Variants in IGF1R observed in about 807,000 individuals in gnomAD.
IGF1R encodes insulin like growth factor 1 receptor, also known as insulin-like growth factor 1 receptor.
IGF1R carries 44 observed loss-of-function variants against 144.6 expected under a neutral mutation model. The observed-to-expected ratio is 0.30, with a 90% CI of 0.24 to 0.39. The LOEUF is 0.39. Among genes scored for constraint, IGF1R ranks in the 10% least tolerant of loss-of-function variants. The pLI is 1.00. For missense variants in IGF1R, 1,355 were observed against 1,833.7 expected (o/e 0.74, Z 4.77); for synonymous variants, 795 against 722.8 (o/e 1.10, Z -1.60).
chr15:98,859,765 A>G (rs1244487521), intron 2 of IGF1R, among the ~76,000 whole-genome samples: 1 of 152,232 alleles, frequency 6.6e-6, no homozygotes, highest in Non-Finnish European at 1.5e-5. Context: ...CCTAGCCTAA[A>G]TATAAGAAGG....
At chr15:98,826,139 G>T (rs2056891278) in intron 2 of IGF1R, among the ~76,000 whole-genome samples, 1 of 152,290 alleles carries the variant, frequency 6.6e-6, no homozygotes, top group South Asian at 2.1e-4. Context: ...TGAAATCAGG[G>T]GGATTCCCAA....
rs535043162 is a variant in IGF1R, at chr15:98,661,382, C to T, written c.94+11707C>T. ...GTCTAGGTTGGTGTCAAGGGGACTCCTGAACTTAATGAACACCTTAGAAAT... is the reference window on the plus strand; with the variant it reads ...GTCTAGGTTGGTGTCAAGGGGACTCTTGAACTTAATGAACACCTTAGAAAT... On this transcript the variant is annotated intron_variant, in intron 1 of 20. Transcript: ENST00000650285. Among the ~76,000 whole-genome samples the T allele has an allele frequency of 7.2e-5, 11 of 152,314 alleles. No individual in the cohort carries two copies. The South Asian group carries it at 2.1e-3, about 29-fold the overall frequency.
chr15:98,849,790 AT>A (rs1368782736), intron 2 of IGF1R, among the ~76,000 whole-genome samples: 1 of 152,266 alleles, frequency 6.6e-6, no homozygotes, highest in Non-Finnish European at 1.5e-5. Flanking sequence ...AGAAACACAA[AT>A]AGCTAAGCAT....
In IGF1R at chr15:98,922,374, G is replaced by A. The variant is rs1391007042; in HGVS notation, c.2428G>A (p.Ala810Thr). 6.2e-7 allele frequency: 1 copy of A among 1,614,098 alleles called. No individual in the cohort carries two copies. Among genetic ancestry groups the A allele is most frequent in the Non-Finnish European group, 8.5e-7 (1 of 1,180,048 alleles). The change falls in exon 11 of 21, where the codon GCT (alanine) becomes ACT (threonine). Residue 810 changes from alanine (A) to threonine (T), a missense_variant. Physicochemically the swap from Ala to Thr is moderately conservative, Grantham distance 58. This residue lies in a region of IGF1R where 880 missense variants were observed against 1,202.7 expected (regional missense o/e 0.73). Coordinates refer to ENST00000650285, the MANE Select transcript of IGF1R (RefSeq NM_000875.5). ...RIDIHSCNHE[A>T]EKLGCSASNF... ...CGATATCCACAGCTGCAACCACGAG[G>A]CTGAGAAGCTGGGCTGCAGCGCCTC...
chr15:98,903,029 C>G (rs1053241928), intron 5 of IGF1R, among the ~76,000 whole-genome samples: 1 of 152,166 alleles, frequency 6.6e-6, no homozygotes, highest in Non-Finnish European at 1.5e-5. Context: ...AAAGCCATAG[C>G]CATGGTTTCC....
At chr15:98,949,058 C>T (rs2016669309) in intron 20 of IGF1R, among the ~76,000 whole-genome samples, 1 of 152,182 alleles carries the variant, frequency 6.6e-6, no homozygotes, top group Admixed American at 6.6e-5. Context: ...AAGAAGGCTA[C>T]AACACAACAC....
At chr15:98,814,016 T>C (rs971890507) in intron 2 of IGF1R, among the ~76,000 whole-genome samples, 2 of 152,262 alleles carry the variant, frequency 1.3e-5, no homozygotes, top group Non-Finnish European at 2.9e-5. Flanking sequence ...TTACTTTCAA[T>C]GCTGAAGCAC....
chr15:98,872,703 G>C (rs1052448176), intron 2 of IGF1R, among the ~76,000 whole-genome samples: 1 of 152,180 alleles, frequency 6.6e-6, no homozygotes, highest in Non-Finnish European at 1.5e-5. Context: ...ACAAAGCTGG[G>C]ATAGAAACTT....
rs572299124 is a variant in IGF1R, at chr15:98,649,454, T to G, written c.-128T>G. 6 of 675,032 alleles carry G rather than the reference T, an allele frequency of 8.9e-6. No homozygotes were observed. The highest frequency in any genetic ancestry group is 1.2e-5 in the Non-Finnish European group (5 of 405,506). The allele number at this position is 675,032 out of a possible 1,614,324, so 41.8% of individuals were successfully genotyped here. A position where few individuals can be genotyped will look rare whatever the true frequency, so the allele number is the denominator to read the frequency against. Reference sequence around the variant, plus strand: ...TTCGGAGTATTGTTTCCTTCGCCCTTGTTTTTGGAGGGGGAGCGAAGACTG... The same window carrying G: ...TTCGGAGTATTGTTTCCTTCGCCCTGGTTTTTGGAGGGGGAGCGAAGACTG... On this transcript the variant is annotated 5_prime_UTR_variant, in exon 1 of 21. Transcript: ENST00000650285.
chr15:98,710,486 G>T (rs1173844310), intron 2 of IGF1R, among the ~76,000 whole-genome samples: 1 of 151,962 alleles, frequency 6.6e-6, no homozygotes, highest in Admixed American at 6.6e-5. Flanking sequence ...TGGCTTGTCC[G>T]AATTGGGACT....
intron 1 of IGF1R, among the ~76,000 whole-genome samples, chr15:98,706,718 C>T (rs2053871509): frequency 6.6e-6 from 1 of 151,988 alleles, no homozygotes; most frequent in African/African-American, 2.4e-5. Flanking sequence ...TTACAAATGT[C>T]ATTTTTGTCT....
chr15:98,688,005 G>A (rs1169628464), intron 1 of IGF1R, among the ~76,000 whole-genome samples: 1 of 152,174 alleles, frequency 6.6e-6, no homozygotes, highest in Non-Finnish European at 1.5e-5. Flanking sequence ...CTCCTGAACT[G>A]CAGCGGTGTC....
intron 1 of IGF1R, among the ~76,000 whole-genome samples, chr15:98,662,752 C>T (rs1195250440): frequency 1.3e-5 from 2 of 152,102 alleles, no homozygotes; most frequent in African/African-American, 4.8e-5. Flanking sequence ...GGATGTCTGA[C>T]TTTAGTGTGC....
intron 5 of IGF1R, among the ~76,000 whole-genome samples, chr15:98,905,411 C>A (rs1287974495): frequency 1.3e-5 from 2 of 151,908 alleles, no homozygotes; most frequent in Non-Finnish European, 2.9e-5. Context: ...AATCCCAGCA[C>A]TTTGGAAGAC....
chr15:98,856,388 C>G (rs755130018), intron 2 of IGF1R, among the ~76,000 whole-genome samples: 4 of 152,222 alleles, frequency 2.6e-5, no homozygotes, highest in African/African-American at 9.6e-5. Context: ...TTAATTTCCC[C>G]TGAGCTTTGG....
intron 2 of IGF1R, among the ~76,000 whole-genome samples, chr15:98,768,952 AACAACAAC>A (rs778985119): frequency 0.067 from 10,203 of 151,160 alleles, 430 homozygotes; most frequent in Non-Finnish European, 0.085. Context: ...CAACAACAAC[AACAACAAC>A]ACCTCACAAC....
intron 19 of IGF1R, 123 bp downstream of exon 19, chr15:98,943,175 G>A (rs2016429004): frequency 8.9e-7 from 1 of 1,121,226 alleles, no homozygotes; most frequent in Non-Finnish European, 1.3e-6. Flanking sequence ...TTAGCTCAGT[G>A]TTGTGTGAGC....
intron 18 of IGF1R, 27 bp downstream of exon 18, chr15:98,939,387 G>C: frequency 6.2e-7 from 1 of 1,612,886 alleles, no homozygotes; most frequent in Non-Finnish European, 8.5e-7. Flanking sequence ...CCAGGTCTGG[G>C]CAAGAACTAA....
chr15:98,858,514 C>T (rs780906641), intron 2 of IGF1R, among the ~76,000 whole-genome samples: 5 of 152,328 alleles, frequency 3.3e-5, no homozygotes, highest in Non-Finnish European at 5.9e-5. Flanking sequence ...ACTTAATCCT[C>T]CCTCTCCCCT....
Sources: gnomAD v4.1 joint callset for allele counts (sites outside exome capture counted in the v4.1 genomes callset) on GRCh38, gnomAD v4.1.1 for gene constraint, gnomAD v4.1.1 regional missense constraint, MANE v1.5 for transcripts, NCBI Gene and HGNC (gene_info 2026-07-23, HGNC 2026-07-21) for gene names.